ANO1: variants seen among roughly 807,000 people sequenced by gnomAD.
The protein encoded by ANO1 is anoctamin-1.
ANO1 carries 59 observed loss-of-function variants against 124.0 expected under a neutral mutation model. The observed-to-expected ratio is 0.48, with a 90% CI of 0.39 to 0.59. The LOEUF (loss-of-function observed/expected upper bound fraction) is 0.59. Among genes scored for constraint, ANO1 ranks in the 20% least tolerant of loss-of-function variants. The pLI, the probability that ANO1 is intolerant of heterozygous loss-of-function variation, is 0.00. For missense variants in ANO1, 1,059 were observed against 1,328.0 expected, an observed-to-expected ratio of 0.80 and a Z score of 3.15; for synonymous variants, 529 against 532.0, an observed-to-expected ratio of 0.99 and a Z score of 0.08.
rs542357206 is a variant in ANO1, at chr11:70,163,781, G to A, written c.1950+441G>A. Among the ~76,000 whole-genome samples the A allele has an allele frequency of 4.5e-4, 69 of 151,942 alleles. 1 individual carries two copies. Among genetic ancestry groups the A allele is most frequent in the African/African-American group, 1.5e-3 (61 of 41,438 alleles). On this transcript the variant is annotated intron_variant, in intron 19 of 25. Transcript: ENST00000355303. The stretch of plus-strand genomic sequence containing the variant: ...GTGAAACCCCATCTCTACTAAAAAC[G>A]CAAAAAATTAGCCGGGTGTGGTGGT...
intron 16 of ANO1, among the ~76,000 whole-genome samples, chr11:70,159,671 G>A (rs752273910): frequency 6.6e-6 from 1 of 152,234 alleles, no homozygotes; most frequent in Non-Finnish European, 1.5e-5. Flanking sequence ...TTGTGGGCCC[G>A]ACTGCCCCAT....
chr11:70,021,618 C>T (rs1455075164), intron 1 of ANO1, among the ~76,000 whole-genome samples: 2 of 152,160 alleles, frequency 1.3e-5, no homozygotes, highest in African/African-American at 2.4e-5. Flanking sequence ...ATTTTTAATG[C>T]ATCCACTTCC....
At chr11:70,093,174 CA>C (rs2044703097) in intron 2 of ANO1, among the ~76,000 whole-genome samples, 1 of 151,254 alleles carries the variant, frequency 6.6e-6, no homozygotes, top group African/African-American at 2.4e-5. Flanking sequence ...CCCTCTCTAT[CA>C]TTCCCTTTCT....
At chr11:70,000,367 C>A (rs1375882121) in intron 1 of ANO1, among the ~76,000 whole-genome samples, 1 of 151,966 alleles carries the variant, frequency 6.6e-6, no homozygotes, top group Non-Finnish European at 1.5e-5. Flanking sequence ...CATGTCAGGT[C>A]ACTAAAAAGC....
intron 1 of ANO1, among the ~76,000 whole-genome samples, chr11:69,997,928 G>A (rs1856305465): frequency 6.6e-6 from 1 of 152,170 alleles, no homozygotes; most frequent in Non-Finnish European, 1.5e-5. Context: ...GGAGCCATCA[G>A]CCAAATTAAA....
At chr11:70,083,308 G>A (rs560600263) in intron 1 of ANO1, among the ~76,000 whole-genome samples, 23 of 152,244 alleles carry the variant, frequency 1.5e-4, no homozygotes, top group African/African-American at 1.4e-4. Flanking sequence ...ATAACATGAG[G>A]TAGGTCTTAG....
chr11:70,097,538 C>T (rs1016700731), intron 2 of ANO1, among the ~76,000 whole-genome samples: 26 of 152,178 alleles, frequency 1.7e-4, no homozygotes, highest in African/African-American at 5.3e-4. Flanking sequence ...CCTCTGGAGC[C>T]GTGCGGGTGG....
intron 1 of ANO1, among the ~76,000 whole-genome samples, chr11:70,002,153 T>C (rs1473970268): frequency 3.3e-5 from 5 of 152,094 alleles, no homozygotes; most frequent in Admixed American, 3.3e-4. Context: ...TATGTGTAGA[T>C]ATAAAAATAC....
chr11:70,035,121 C>G (rs568731271), intron 1 of ANO1, among the ~76,000 whole-genome samples: 14 of 152,270 alleles, frequency 9.2e-5, no homozygotes, highest in Admixed American at 2.6e-4. Context: ...TCCTGGAAAT[C>G]CCCAGTGGGG....
intron 2 of ANO1, among the ~76,000 whole-genome samples, chr11:70,093,189 T>C (rs898188476): frequency 6.6e-6 from 1 of 150,712 alleles, no homozygotes. Context: ...CCTTTCTCTC[T>C]TCTCTCTCTC....
intron 8 of ANO1, among the ~76,000 whole-genome samples, chr11:70,118,813 G>A (rs1318751188): frequency 6.6e-6 from 1 of 151,722 alleles, no homozygotes; most frequent in Non-Finnish European, 1.5e-5. Context: ...CTGAAGGGAT[G>A]AATGGTGGAT....
intron 6 of ANO1, among the ~76,000 whole-genome samples, chr11:70,110,877 C>T (rs1205926502): frequency 2.6e-5 from 4 of 152,242 alleles, no homozygotes; most frequent in African/African-American, 9.6e-5. Context: ...GGTCCTCTCT[C>T]GCAGTCTCCT....
rs367687484 is a variant in ANO1 at position 70,182,647 on chromosome 11, A to T, written c.2549A>T (p.Asn850Ile). ...VSDFQNGTAP[N>I]DPLDLGYEVQ... Reference sequence around the variant, plus strand: ...GACTTCCAGAACGGCACGGCCCCCAATGACCCCCTGGACCTGGGCTACGAG... The same window carrying T: ...GACTTCCAGAACGGCACGGCCCCCATTGACCCCCTGGACCTGGGCTACGAG... The change falls in exon 24 of 26, where the codon AAT (asparagine) becomes ATT (isoleucine). Residue 850 changes from asparagine to isoleucine, a missense_variant. Physicochemically the swap from Asn to Ile is moderately radical, Grantham distance 149. Coordinates refer to ENST00000355303, the MANE Select transcript of ANO1 (RefSeq NM_018043.7). 1 of 1,610,986 alleles carries T rather than the reference A, an allele frequency of 6.2e-7. No individual in the cohort carries two copies. The highest frequency in any genetic ancestry group is 8.5e-7 in the Non-Finnish European group (1 of 1,178,356).
chr11:70,067,156 A>G (rs1037863019), intron 1 of ANO1, among the ~76,000 whole-genome samples: 6 of 152,136 alleles, frequency 3.9e-5, no homozygotes, highest in African/African-American at 1.4e-4. Flanking sequence ...GGCCACCATG[A>G]GAAACTGCTG....
the ANO1 span, among the ~76,000 whole-genome samples, chr11:69,976,399 C>T: frequency 3.3e-5 from 5 of 151,334 alleles, no homozygotes; most frequent in Admixed American, 1.3e-4. Context: ...CGCAGCTACT[C>T]GGGAGGCTGA....
At chr11:70,107,579 A>G (rs2045608241) in intron 5 of ANO1, among the ~76,000 whole-genome samples, 1 of 149,460 alleles carries the variant, frequency 6.7e-6, no homozygotes, top group Admixed American at 6.8e-5. Context: ...CAGAATTGGC[A>G]TGCTCTGAAA....
chr11:70,111,431 G>A (rs1165507605), intron 6 of ANO1, among the ~76,000 whole-genome samples: 1 of 152,178 alleles, frequency 6.6e-6, no homozygotes, highest in East Asian at 1.9e-4. Context: ...GCCTGCCTCT[G>A]AGACAGAGCC....
chr11:70,047,575 T>C (rs1373585489), intron 1 of ANO1, among the ~76,000 whole-genome samples: 1 of 152,222 alleles, frequency 6.6e-6, no homozygotes, highest in East Asian at 1.9e-4. Context: ...CTTCTGATTA[T>C]ATTTTGGATC....
intron 7 of ANO1, among the ~76,000 whole-genome samples, chr11:70,115,776 T>C (rs1300521611): frequency 6.6e-6 from 1 of 152,140 alleles, no homozygotes; most frequent in Non-Finnish European, 1.5e-5. Context: ...TAAGTATCAT[T>C]TTGAGTGTTT....
Sources: allele counts gnomAD v4.1 joint callset (sites outside exome capture counted in the v4.1 genomes callset), GRCh38; gene constraint gnomAD v4.1.1; transcripts MANE v1.5; gene names NCBI Gene and HGNC (gene_info 2026-07-23, HGNC 2026-07-21).